The following HGF variants were observed in gnomAD, a reference collection of about 807,000 sequenced individuals.
HGF encodes the protein hepatocyte growth factor.
Under a neutral mutation model 111.6 loss-of-function variants are expected in HGF, and 39 were observed. The observed-to-expected ratio is 0.35, with a 90% CI of 0.27 to 0.46. The LOEUF is 0.46. HGF is among the 20% of genes least tolerant of loss of function. The probability of loss-of-function intolerance (pLI) is 1.00; values close to 1 mark genes in which losing one functional copy is unlikely to be tolerated. For missense variants in HGF, 735 were observed against 910.5 expected, an observed-to-expected ratio of 0.81 and a Z score of 2.48; for synonymous variants, 285 against 294.8, an observed-to-expected ratio of 0.97 and a Z score of 0.34.
chr7:81,760,978 G>T (rs570209003), intron 2 of HGF, among the ~76,000 whole-genome samples: 1 of 152,186 alleles, frequency 6.6e-6, no homozygotes, highest in South Asian at 2.1e-4. Context: ...TAAGTATACG[G>T]TTGACTAATG....
At chr7:81,763,204 G>A (rs1013488216) in intron 1 of HGF, among the ~76,000 whole-genome samples, 1 of 152,134 alleles carries the variant, frequency 6.6e-6, no homozygotes, top group Non-Finnish European at 1.5e-5. Context: ...ATCAGTGCTA[G>A]AAGCATATCA....
intron 5 of HGF, among the ~76,000 whole-genome samples, chr7:81,747,386 T>C (rs1253560396): frequency 6.6e-6 from 1 of 152,244 alleles, no homozygotes; most frequent in African/African-American, 2.4e-5. Flanking sequence ...AATAGTTTTA[T>C]AAGAGAGACT....
chr7:81,761,475 C>G (rs1354462649), intron 2 of HGF, among the ~76,000 whole-genome samples: 1 of 151,626 alleles, frequency 6.6e-6, no homozygotes, highest in East Asian at 1.9e-4. Context: ...ATTACTAAAC[C>G]CTGTGGTCAC....
intron 5 of HGF, among the ~76,000 whole-genome samples, chr7:81,749,084 T>C (rs1583985885): frequency 6.6e-6 from 1 of 152,160 alleles, no homozygotes; most frequent in East Asian, 1.9e-4. Context: ...CAAATTAACA[T>C]ATATAAATAA....
At chr7:81,712,191 T>C (rs1279822701) in intron 11 of HGF, among the ~76,000 whole-genome samples, 1 of 152,150 alleles carries the variant, frequency 6.6e-6, no homozygotes, top group African/African-American at 2.4e-5. Context: ...TCCTACACCA[T>C]GAACATTCCA....
chr7:81,733,744 G>A (rs1045724492), intron 7 of HGF, among the ~76,000 whole-genome samples: 8 of 152,204 alleles, frequency 5.3e-5, no homozygotes, highest in South Asian at 2.1e-4. Context: ...TCTCCATGAA[G>A]CTGTTTAATA....
chr7:81,723,889 TCTAAGTAG>T (rs1789939872), intron 9 of HGF, among the ~76,000 whole-genome samples: 1 of 151,090 alleles, frequency 6.6e-6, no homozygotes, highest in Non-Finnish European at 1.5e-5. Flanking sequence ...AATACCTAGA[TCTAAGTAG>T]ATAGATCTAT....
chr7:81,740,141 T>C (rs6951195), intron 7 of HGF, among the ~76,000 whole-genome samples: 1 of 152,050 alleles, frequency 6.6e-6, no homozygotes, highest in Non-Finnish European at 1.5e-5. Flanking sequence ...ATAAATGATA[T>C]TAATTATGAT....
At position 81,744,992 on chromosome 7, in the gene HGF, T is replaced by C; in HGVS notation, c.746+8A>G. The C allele has an allele frequency of 6.2e-7, 1 of 1,613,804 alleles. No individual in the cohort carries two copies. Among genetic ancestry groups the C allele is most frequent in the Non-Finnish European group, 8.5e-7 (1 of 1,179,822 alleles). ...AATCACTGAAAGCATGATTCATTAA[T>C]ATTTTACCTTTCAGGCAAGAATTTG... On this transcript the variant is annotated splice_region_variant and intron_variant, in intron 6 of 17. Transcript: ENST00000222390.
rs1789242326 is a variant in HGF, at chr7:81,700,003, A to C, written c.*2578T>G. On this transcript the variant is annotated 3_prime_UTR_variant, in exon 18 of 18. Transcript: ENST00000222390. Reference sequence around the variant, plus strand: ...TCTGCACGGCAGAGGCATTATGAAAAATATTTTAGTTTTACACTTCAATTC... The same window carrying C: ...TCTGCACGGCAGAGGCATTATGAAACATATTTTAGTTTTACACTTCAATTC... 1 of 151,728 alleles carries C rather than the reference A, an allele frequency of 6.6e-6. No homozygotes were observed. The highest frequency in any genetic ancestry group is 1.9e-4 in the East Asian group (1 of 5,176). The allele number at this position is 151,728 out of a possible 1,614,324, so 9.4% of individuals were successfully genotyped here. A position where few individuals can be genotyped will look rare whatever the true frequency, so the allele number is the denominator to read the frequency against.
At chr7:81,748,080 A>G (rs756029899) in intron 5 of HGF, among the ~76,000 whole-genome samples, 3 of 152,252 alleles carry the variant, frequency 2.0e-5, no homozygotes, top group African/African-American at 4.8e-5. Context: ...TGAGCCAGGA[A>G]CACAAATCTT....
intron 8 of HGF, among the ~76,000 whole-genome samples, chr7:81,729,386 A>G (rs1787557788): frequency 6.6e-6 from 1 of 152,180 alleles, no homozygotes; most frequent in African/African-American, 2.4e-5. Flanking sequence ...TCTGGATCTG[A>G]ACCACCTAGG....
chr7:81,757,468 T>A (rs1211612700), intron 3 of HGF, among the ~76,000 whole-genome samples, 165 bp from the exon 4 acceptor site: 1 of 152,202 alleles, frequency 6.6e-6, no homozygotes, highest in Non-Finnish European at 1.5e-5. Flanking sequence ...AAATAACACA[T>A]TTCTGAATAA....
intron 8 of HGF, among the ~76,000 whole-genome samples, 153 bp downstream of exon 8, chr7:81,729,452 C>A (rs942367256): frequency 3.3e-5 from 5 of 152,130 alleles, no homozygotes; most frequent in African/African-American, 1.2e-4. Flanking sequence ...GAATCAAAAT[C>A]TCTGAGTGGA....
In HGF at chr7:81,769,920, G is replaced by T. The variant is rs752758599; in HGVS notation, c.52C>A (p.His18Asn). ...ATGGCGATGGGGAGCAGGAGGAGATGCAGGAGGACATGCTGCAGCAGCAGG... is the reference window on the plus strand; with the variant it reads ...ATGGCGATGGGGAGCAGGAGGAGATTCAGGAGGACATGCTGCAGCAGCAGG... ...PALLLQHVLLHLLLLPIAIPY... is the reference protein window; with the variant it reads ...PALLLQHVLLNLLLLPIAIPY... Residue 18 changes from histidine to asparagine, a missense_variant, in exon 1 of 18, where the codon CAT becomes AAT. Transcript: ENST00000222390. 1 of 1,569,822 alleles carries T rather than the reference G, an allele frequency of 6.4e-7. No individual in the cohort carries two copies. Among genetic ancestry groups the T allele is most frequent in the Non-Finnish European group, 8.6e-7 (1 of 1,156,500 alleles).
rs568627612 is a variant in HGF at position 81,726,153 on chromosome 7, A to G, written c.1041-136T>C. ...CTAACTTTTTGGACTCAGAATAGCT[A>G]TAACAATTTAATATTCAGTATACAT... On this transcript the variant is annotated intron_variant, in intron 8 of 17. Transcript: ENST00000222390. The G allele has an allele frequency of 9.4e-5, 77 of 823,124 alleles. No homozygotes were observed. The African/African-American group carries it at 1.2e-3, about 12-fold the overall frequency. The allele number at this position is 823,124 out of a possible 1,614,324, so 51.0% of individuals were successfully genotyped here.
At position 81,699,040 on chromosome 7, in the gene HGF, A is replaced by T. The variant is rs565624689; in HGVS notation, c.*3541T>A. 1.3e-5 allele frequency: 2 copies of T among 151,554 alleles called. No homozygotes were observed. Among genetic ancestry groups the T allele is most frequent in the East Asian group, 3.9e-4 (2 of 5,154 alleles). The allele number at this position is 151,554 out of a possible 1,614,324, so 9.4% of individuals were successfully genotyped here. On this transcript the variant is annotated 3_prime_UTR_variant, in exon 18 of 18. Transcript: ENST00000222390. Reference sequence around the variant, plus strand: ...ATAAAATATTTTATTAATAATAATAATATAATCATGGTTATAAAAATAACA... The same window carrying T: ...ATAAAATATTTTATTAATAATAATATTATAATCATGGTTATAAAAATAACA...
intron 5 of HGF, chr7:81,750,828 T>G (rs1030699359): frequency 2.5e-6 from 1 of 393,042 alleles, no homozygotes; most frequent in African/African-American, 2.2e-5. Flanking sequence ...GTTTTTTTTC[T>G]TCCATGTGCA....
rs754885399 is a variant in HGF at position 81,745,127 on chromosome 7, A to C, written c.626-7T>G. The C allele has an allele frequency of 2.1e-5, 34 of 1,613,548 alleles. No homozygotes were observed. The Admixed American group carries it at 2.2e-4, about 10-fold the overall frequency. ...TTGCAGGTCATGCATTCAACTAATA[A>C]AATTAAAGTATGGCATGTTAATTGT... is the stretch of plus-strand genomic sequence containing the variant. On this transcript the variant is annotated splice_region_variant and splice_polypyrimidine_tract_variant and intron_variant, in intron 5 of 17. Coordinates refer to ENST00000222390, the MANE Select transcript of HGF (RefSeq NM_000601.6).
Sources: allele counts gnomAD v4.1 joint callset (sites outside exome capture counted in the v4.1 genomes callset), GRCh38; gene constraint gnomAD v4.1.1; transcripts MANE v1.5; gene names NCBI Gene and HGNC (gene_info 2026-07-23, HGNC 2026-07-21).